The following GRIN2A variants were observed in gnomAD, a reference collection of about 807,000 sequenced individuals.
GRIN2A encodes glutamate receptor ionotropic, NMDA 2A.
A neutral mutation model predicts 113.4 loss-of-function variants in GRIN2A; 22 were observed. The ratio of observed to expected loss-of-function variants is 0.19; its 90% CI spans 0.14 to 0.28. GRIN2A has a LOEUF of 0.28. Among genes scored for constraint, GRIN2A ranks in the 10% least tolerant of loss-of-function variants. GRIN2A has a pLI of 1.00. For missense variants in GRIN2A, 1,502 were observed against 1,887.0 expected, an observed-to-expected ratio of 0.80 and a Z score of 3.78; for synonymous variants, 827 against 738.4, an observed-to-expected ratio of 1.12 and a Z score of -1.94.
intron 2 of GRIN2A, among the ~76,000 whole-genome samples, chr16:10,141,165 C>G (rs2049319607): frequency 6.6e-6 from 1 of 151,896 alleles, no homozygotes. Flanking sequence ...TGCACTCCAT[C>G]TTAGGAGACA....
chr16:9,845,320 G>A (rs1172046881), intron 5 of GRIN2A, among the ~76,000 whole-genome samples: 1 of 152,120 alleles, frequency 6.6e-6, no homozygotes, highest in Non-Finnish European at 1.5e-5. Context: ...CTCAGTACTT[G>A]GGGATCTACT....
chr16:10,088,285 T>C (rs970654682), intron 2 of GRIN2A, among the ~76,000 whole-genome samples: 1 of 152,148 alleles, frequency 6.6e-6, no homozygotes, highest in African/African-American at 2.4e-5. Flanking sequence ...ACTGCCAACA[T>C]AGACTCTGTG....
chr16:9,799,332 T>C (rs891043961), intron 10 of GRIN2A, among the ~76,000 whole-genome samples: 2 of 152,164 alleles, frequency 1.3e-5, no homozygotes, highest in Non-Finnish European at 2.9e-5. Flanking sequence ...ATATGAAGAC[T>C]GGAGTTATGC....
At chr16:10,101,289 G>A (rs1297237380) in intron 2 of GRIN2A, among the ~76,000 whole-genome samples, 1 of 152,144 alleles carries the variant, frequency 6.6e-6, no homozygotes, top group African/African-American at 2.4e-5. Flanking sequence ...AACTTCTTGT[G>A]CCCCTAACTC....
intron 11 of GRIN2A, among the ~76,000 whole-genome samples, chr16:9,779,955 G>A (rs1041138056): frequency 6.6e-6 from 1 of 152,198 alleles, no homozygotes; most frequent in Admixed American, 6.5e-5. Context: ...CATTAAATCT[G>A]AGGTCAGGTT....
intron 3 of GRIN2A, among the ~76,000 whole-genome samples, chr16:9,914,871 G>A (rs1271261421): frequency 1.3e-5 from 1 of 78,850 alleles, no homozygotes; most frequent in Non-Finnish European, 2.6e-5. Context: ...AGGGGCATAT[G>A]TTTCCATTTA....
At chr16:10,018,628 C>T (rs1018962551) in intron 2 of GRIN2A, among the ~76,000 whole-genome samples, 5 of 152,104 alleles carry the variant, frequency 3.3e-5, no homozygotes, top group African/African-American at 7.2e-5. Context: ...TGATGCTGCA[C>T]GAGGGAAACT....
intron 4 of GRIN2A, among the ~76,000 whole-genome samples, chr16:9,881,123 A>G (rs1415668752): frequency 6.6e-6 from 1 of 152,228 alleles, no homozygotes; most frequent in African/African-American, 2.4e-5. Context: ...TTAACAAAAA[A>G]ATCATTTAAT....
At chr16:9,944,969 C>A (rs184695204) in intron 2 of GRIN2A, among the ~76,000 whole-genome samples, 215 of 152,224 alleles carry the variant, frequency 1.4e-3, no homozygotes, top group African/African-American at 4.8e-3. Flanking sequence ...GTGAAGGACC[C>A]TGATTCCATG....
chr16:9,859,609 TACACACACACAC>T (rs55697606), intron 4 of GRIN2A, among the ~76,000 whole-genome samples: 12 of 141,140 alleles, frequency 8.5e-5, no homozygotes, highest in African/African-American at 1.6e-4. Context: ...CTCGAACCTC[TACACACACACAC>T]ACACACACAC....
intron 2 of GRIN2A, among the ~76,000 whole-genome samples, chr16:9,974,576 T>C (rs182219476): frequency 1.3e-5 from 2 of 152,306 alleles, no homozygotes; most frequent in East Asian, 1.9e-4. Flanking sequence ...GTCTTGCCGA[T>C]GCTCGCGGCC....
At chr16:10,008,534 T>C (rs1378461670) in intron 2 of GRIN2A, among the ~76,000 whole-genome samples, 1 of 152,182 alleles carries the variant, frequency 6.6e-6, no homozygotes, top group East Asian at 1.9e-4. Context: ...ACTGTGATTC[T>C]TCCCTGAGCA....
chr16:9,865,428 C>A (rs929145628), intron 4 of GRIN2A, among the ~76,000 whole-genome samples: 1 of 152,150 alleles, frequency 6.6e-6, no homozygotes. Context: ...CATTGCTTTT[C>A]CCACTGAATT....
At chr16:9,929,711 G>T (rs992287855) in intron 3 of GRIN2A, among the ~76,000 whole-genome samples, 21 of 152,244 alleles carry the variant, frequency 1.4e-4, no homozygotes, top group Middle Eastern at 6.8e-3. Flanking sequence ...CAAATAATTA[G>T]CACATGTCAC....
chr16:9,985,845 T>C (rs2045969924), intron 2 of GRIN2A, among the ~76,000 whole-genome samples: 1 of 152,232 alleles, frequency 6.6e-6, no homozygotes, highest in East Asian at 1.9e-4. Context: ...AGAGTATAAT[T>C]GGATTGTAAC....
chr16:10,046,275 T>A (rs1232522430), intron 2 of GRIN2A, among the ~76,000 whole-genome samples: 1 of 152,026 alleles, frequency 6.6e-6, no homozygotes, highest in African/African-American at 2.4e-5. Flanking sequence ...TCACATCTTA[T>A]CACCACCCTG....
intron 3 of GRIN2A, among the ~76,000 whole-genome samples, chr16:9,930,828 A>G (rs942294674): frequency 1.3e-5 from 2 of 152,214 alleles, no homozygotes; most frequent in Non-Finnish European, 2.9e-5. Flanking sequence ...AATTTTTCCT[A>G]TGTTATTTTA....
intron 2 of GRIN2A, among the ~76,000 whole-genome samples, chr16:10,143,304 G>C (rs2049367513): frequency 6.6e-6 from 1 of 152,190 alleles, no homozygotes; most frequent in African/African-American, 2.4e-5. Context: ...GTGGTATACT[G>C]ATGGTGTACA....
rs374146481 is a variant in GRIN2A at position 10,133,074 on chromosome 16, A to C, written c.414+46924T>G. ...CTCTTATAAGTACAGTCACAATTATATTGGGCCCACCAGATAATTTTGGAT... is the reference window on the plus strand; with the variant it reads ...CTCTTATAAGTACAGTCACAATTATCTTGGGCCCACCAGATAATTTTGGAT... On this transcript the variant is annotated intron_variant, in intron 2 of 12. Coordinates refer to ENST00000330684, the MANE Select transcript of GRIN2A (RefSeq NM_001134407.3). Among the ~76,000 whole-genome samples, 72 of 152,278 alleles carry C rather than the reference A, an allele frequency of 4.7e-4. 2 individuals are homozygous for C. The South Asian group carries it at 0.015, about 31-fold the overall frequency.
Sources: gnomAD v4.1 joint callset for allele counts (sites outside exome capture counted in the v4.1 genomes callset) on GRCh38, gnomAD v4.1.1 for gene constraint, MANE v1.5 for transcripts, NCBI Gene and HGNC (gene_info 2026-07-23, HGNC 2026-07-21) for gene names.